Variants in FRMD4A observed in about 807,000 individuals in gnomAD.
The protein encoded by FRMD4A is FERM domain containing 4A.
In FRMD4A, 29 loss-of-function variants were observed where a neutral mutation model predicts 129.1. That is an observed-to-expected ratio of 0.22 (90% confidence interval 0.17 to 0.31). The LOEUF is 0.31. FRMD4A is among the 10% of genes least tolerant of loss of function. The pLI is 1.00. For missense variants in FRMD4A, 1,272 were observed against 1,375.8 expected, an observed-to-expected ratio of 0.92 and a Z score of 1.19; for synonymous variants, 634 against 571.6, an observed-to-expected ratio of 1.11 and a Z score of -1.56.
At chr10:14,061,611 T>C (rs975156031) in intron 2 of FRMD4A, among the ~76,000 whole-genome samples, 2 of 152,196 alleles carry the variant, frequency 1.3e-5, no homozygotes, top group South Asian at 4.1e-4. Flanking sequence ...TTCTATCTAA[T>C]AGATCACTGA....
intron 2 of FRMD4A, among the ~76,000 whole-genome samples, chr10:14,036,756 T>C (rs1048256586): frequency 3.3e-5 from 5 of 152,090 alleles, no homozygotes; most frequent in African/African-American, 9.7e-5. Context: ...TCTAATTTTT[T>C]TGTATTTTTA....
intron 6 of FRMD4A, among the ~76,000 whole-genome samples, chr10:13,765,430 T>C (rs1284160429): frequency 1.3e-5 from 2 of 152,164 alleles, no homozygotes; most frequent in Non-Finnish European, 2.9e-5. Flanking sequence ...TCATGGATTT[T>C]GTAATTATTT....
intron 2 of FRMD4A, among the ~76,000 whole-genome samples, chr10:13,990,424 T>A (rs1304881301): frequency 6.6e-6 from 1 of 152,174 alleles, no homozygotes; most frequent in Admixed American, 6.5e-5. Flanking sequence ...GGTCCTGGCC[T>A]GTCTTGTCTG....
intron 5 of FRMD4A, among the ~76,000 whole-genome samples, chr10:13,794,391 CAAA>C (rs5783349): frequency 0.034 from 3,488 of 102,886 alleles, 127 homozygotes; most frequent in African/African-American, 0.12. Flanking sequence ...GAATCCGTCT[CAAA>C]AAAAAAAAAA....
chr10:14,300,745 TCTC>T (rs1337467787), intron 2 of FRMD4A, among the ~76,000 whole-genome samples: 1 of 152,178 alleles, frequency 6.6e-6, no homozygotes, highest in East Asian at 1.9e-4. Flanking sequence ...CAGAAGGGCT[TCTC>T]CTCCAAGGAA....
At chr10:13,897,228 C>T (rs1295331395) in intron 2 of FRMD4A, among the ~76,000 whole-genome samples, 1 of 152,160 alleles carries the variant, frequency 6.6e-6, no homozygotes, top group Non-Finnish European at 1.5e-5. Flanking sequence ...ACATGGCAGC[C>T]GGGTTTATGG....
intron 2 of FRMD4A, among the ~76,000 whole-genome samples, chr10:13,968,288 A>G (rs1035934263): frequency 6.6e-6 from 1 of 152,240 alleles, no homozygotes; most frequent in African/African-American, 2.4e-5. Flanking sequence ...GCCAATGAAG[A>G]CACCGCAAAC....
chr10:14,002,931 A>C (rs531737375), intron 2 of FRMD4A, among the ~76,000 whole-genome samples: 2 of 152,184 alleles, frequency 1.3e-5, no homozygotes, highest in Non-Finnish European at 2.9e-5. Flanking sequence ...ATGTCCACGC[A>C]TGGTTGGAAT....
intron 2 of FRMD4A, among the ~76,000 whole-genome samples, chr10:14,324,366 A>T (rs978569431): frequency 6.6e-6 from 1 of 152,206 alleles, no homozygotes; most frequent in Non-Finnish European, 1.5e-5. Context: ...TGGAGGTAAC[A>T]ATGACATGAC....
chr10:14,263,099 G>T lies in FRMD4A; in HGVS notation c.45+66959C>A, dbSNP rs544537010. 8.5e-4 allele frequency among the ~76,000 whole-genome samples: 129 copies of T among 152,296 alleles called. 3 individuals carry two copies. The highest frequency in any genetic ancestry group is 3.7e-3 in the South Asian group (18 of 4,822). ...GACAAATGGCCTACGGAGAGGACCC[G>T]TGTGCGATATTCCAATGACAGTTTT... On this transcript the variant is annotated intron_variant, in intron 2 of 24. Transcript: ENST00000357447.
At chr10:14,075,929 C>T (rs1835571047) in intron 2 of FRMD4A, among the ~76,000 whole-genome samples, 1 of 152,154 alleles carries the variant, frequency 6.6e-6, no homozygotes, top group Admixed American at 6.5e-5. Context: ...TTCCTAATGT[C>T]TGCATGTTGG....
At chr10:13,717,070 G>T (rs1206837359) in intron 12 of FRMD4A, among the ~76,000 whole-genome samples, 1 of 152,150 alleles carries the variant, frequency 6.6e-6, no homozygotes, top group African/African-American at 2.4e-5. Context: ...TCTAGCTTTG[G>T]TTTTTCTAGC....
chr10:14,141,332 G>A (rs1839823217), intron 2 of FRMD4A, among the ~76,000 whole-genome samples: 1 of 152,066 alleles, frequency 6.6e-6, no homozygotes. Flanking sequence ...CAATTTTACA[G>A]GTCAGAAAAT....
chr10:13,937,334 C>T (rs776766574), intron 2 of FRMD4A, among the ~76,000 whole-genome samples: 1 of 152,164 alleles, frequency 6.6e-6, no homozygotes, highest in Non-Finnish European at 1.5e-5. Flanking sequence ...CTCAGAGAAG[C>T]AGAAAGGGTC....
chr10:13,808,457 C>T (rs1208226216), intron 4 of FRMD4A, among the ~76,000 whole-genome samples: 1 of 152,248 alleles, frequency 6.6e-6, no homozygotes, highest in Admixed American at 6.5e-5. Context: ...ACCTAGGAAT[C>T]ACCAAGCCAG....
chr10:14,231,751 T>A (rs979170825), intron 2 of FRMD4A, among the ~76,000 whole-genome samples: 1 of 152,186 alleles, frequency 6.6e-6, no homozygotes, highest in Non-Finnish European at 1.5e-5. Flanking sequence ...TTTGTTTATG[T>A]TTTTTGCTCA....
chr10:14,307,717 A>G (rs1846399520), intron 2 of FRMD4A, among the ~76,000 whole-genome samples: 1 of 152,158 alleles, frequency 6.6e-6, no homozygotes, highest in African/African-American at 2.4e-5. Context: ...TACCCCACAG[A>G]CAGTTTTTGT....
intron 6 of FRMD4A, among the ~76,000 whole-genome samples, chr10:13,778,055 C>G (rs2092641827): frequency 6.6e-6 from 1 of 152,016 alleles, no homozygotes; most frequent in African/African-American, 2.4e-5. Context: ...CCCGCCTCTG[C>G]CTCCCAAAGT....
At chr10:14,193,804 C>T (rs1189562927) in intron 2 of FRMD4A, among the ~76,000 whole-genome samples, 1 of 152,110 alleles carries the variant, frequency 6.6e-6, no homozygotes, top group Non-Finnish European at 1.5e-5. Context: ...CACTGGCACA[C>T]TTCTTAGTTT....
Sources: allele counts gnomAD v4.1 joint callset (sites outside exome capture counted in the v4.1 genomes callset), GRCh38; gene constraint gnomAD v4.1.1; transcripts MANE v1.5; gene names NCBI Gene and HGNC (gene_info 2026-07-23, HGNC 2026-07-21).